ZNF567: variants seen among roughly 807,000 people sequenced by gnomAD.
ZNF567 encodes zinc finger protein 567.
A neutral mutation model predicts 53.9 loss-of-function variants in ZNF567; 36 were observed. The ratio of observed to expected loss-of-function variants is 0.67; its 90% CI spans 0.51 to 0.88. ZNF567 has a LOEUF of 0.88. Ranked by LOEUF, ZNF567 falls within the 40% of genes least tolerant of loss-of-function variation. The pLI, the probability that ZNF567 is intolerant of heterozygous loss-of-function variation, is 0.00. For missense variants in ZNF567, 619 were observed against 764.7 expected (o/e 0.81, Z 2.25); for synonymous variants, 224 against 260.4 (o/e 0.86, Z 1.35).
intron 3 of ZNF567, among the ~76,000 whole-genome samples, chr19:36,702,077 A>G (rs1324741784): frequency 2.6e-5 from 4 of 151,256 alleles, no homozygotes; most frequent in African/African-American, 7.3e-5. Flanking sequence ...GTTCCTTTCC[A>G]CGTTTAGTGC....
At chr19:36,682,604 A>AT in the ZNF567 span, among the ~76,000 whole-genome samples, 2 of 144,810 alleles carry the variant, frequency 1.4e-5, no homozygotes, top group Admixed American at 1.4e-4. Context: ...TATTATTATT[A>AT]TTATTATTAT....
rs775855797 is a variant in ZNF567, at chr19:36,719,855, G to T, written c.1131G>T (p.Lys377Asn). Residue 377 changes from lysine to asparagine, a missense_variant, in exon 6 of 6, where the codon AAG becomes AAT. Transcript: ENST00000682579. ...CNDCGKSFRQ[K>N]TTLSLHQRIH... ...ACTGTGGGAAGTCCTTCCGCCAGAAGACAACACTCTCTCTACATCAGAGAA... is the reference window on the plus strand; with the variant it reads ...ACTGTGGGAAGTCCTTCCGCCAGAATACAACACTCTCTCTACATCAGAGAA... 1 of 1,614,042 alleles carries T rather than the reference G, an allele frequency of 6.2e-7. No individual in the cohort carries two copies. Among genetic ancestry groups the T allele is most frequent in the Non-Finnish European group, 8.5e-7 (1 of 1,179,972 alleles).
chr19:36,695,391 T>G (rs1272504509), intron 3 of ZNF567, among the ~76,000 whole-genome samples: 6 of 151,984 alleles, frequency 3.9e-5, no homozygotes, highest in African/African-American at 1.4e-4. Flanking sequence ...TAGCTGGGCT[T>G]GGTGGCAGGC....
intron 3 of ZNF567, chr19:36,703,545 G>C (rs1360350046): frequency 6.6e-6 from 1 of 152,390 alleles, no homozygotes; most frequent in Non-Finnish European, 1.5e-5. Flanking sequence ...GGAGCCTACA[G>C]AGGCAGGCAG....
In ZNF567 at chr19:36,720,244, G is replaced by A; in HGVS notation, c.1520G>A (p.Cys507Tyr). The change falls in exon 6 of 6, where the codon TGT becomes TAT. Residue 507 changes from cysteine to tyrosine, a missense_variant. By Grantham distance (194) the Cys-to-Tyr change is radical. Transcript: ENST00000682579. ...CACACAGGAGAGAAACCATATGAAT[G>A]TAATGAATGTGGTAAATCATTCAGT... ...RTHTGEKPYE[C>Y]NECGKSFSQK... The A allele has an allele frequency of 1.2e-6, 2 of 1,614,084 alleles. No individual in the cohort carries two copies. Among genetic ancestry groups the A allele is most frequent in the Non-Finnish European group, 1.7e-6 (2 of 1,179,982 alleles).
chr19:36,723,627 G>A (rs1308764054), downstream of ZNF567, among the ~76,000 whole-genome samples: 1 of 152,124 alleles, frequency 6.6e-6, no homozygotes, highest in Non-Finnish European at 1.5e-5. Context: ...CCTAAGGCCA[G>A]GAGTTTGAGA....
the ZNF567 span, among the ~76,000 whole-genome samples, chr19:36,677,155 C>CAAAA: frequency 3.5e-5 from 1 of 28,236 alleles, no homozygotes. Context: ...AACTCCGTCT[C>CAAAA]AAAAAAAAAA....
the ZNF567 span, among the ~76,000 whole-genome samples, chr19:36,672,803 G>A: frequency 1.3e-5 from 2 of 152,136 alleles, no homozygotes; most frequent in Non-Finnish European, 2.9e-5. Context: ...GACCCTTAAC[G>A]AATGAAGGTT....
rs1342241688 is a variant in ZNF567 at position 36,719,034 on chromosome 19, A to C, written c.310A>C (p.Lys104Gln). 4 of 1,611,528 alleles carry C rather than the reference A, an allele frequency of 2.5e-6. No individual in the cohort carries two copies. The Admixed American group carries it at 6.7e-5, about 27-fold the overall frequency. ...TAGATCAGTTGTAAGCATCAACCAC[A>C]AAAAACTGGTGAAGGAGAAGAGTAA... is the stretch of plus-strand genomic sequence containing the variant. ...YSRSVVSINH[K>Q]KLVKEKSKIY... Residue 104 changes from lysine to glutamine, a missense_variant, in exon 6 of 6, where the codon AAA becomes CAA. Physicochemically the swap from Lys to Gln is moderately conservative, Grantham distance 53 (BLOSUM62 1). Transcript: ENST00000682579.
At chr19:36,679,414 T>C in the ZNF567 span, among the ~76,000 whole-genome samples, 5 of 152,162 alleles carry the variant, frequency 3.3e-5, no homozygotes, top group African/African-American at 1.2e-4. Context: ...TGTAAATTAC[T>C]ACAGCCATTT....
At chr19:36,709,677 T>C (rs2039678655) in intron 3 of ZNF567, among the ~76,000 whole-genome samples, 2 of 151,956 alleles carry the variant, frequency 1.3e-5, no homozygotes, top group Admixed American at 1.3e-4. Flanking sequence ...TTGCCCAGGC[T>C]GATCTCAAAC....
chr19:36,688,707 T>C (rs938163941), intron 1 of ZNF567, among the ~76,000 whole-genome samples: 7 of 150,060 alleles, frequency 4.7e-5, no homozygotes, highest in Non-Finnish European at 8.9e-5. Flanking sequence ...CTTGGGAGGC[T>C]GAGTCAGGAG....
intron 5 of ZNF567, among the ~76,000 whole-genome samples, chr19:36,715,361 A>T (rs906030111): frequency 6.6e-6 from 1 of 150,574 alleles, no homozygotes; most frequent in African/African-American, 2.4e-5. Context: ...GGGTTTCACC[A>T]TGTTGGCCAG....
downstream of ZNF567, chr19:36,723,207 C>G (rs1250063742): frequency 2.8e-6 from 2 of 702,782 alleles, no homozygotes; most frequent in East Asian, 2.7e-5. Context: ...GATGGCCTAA[C>G]TGGATGTTTA....
At chr19:36,683,793 C>T (rs2038221968), upstream of ZNF567, among the ~76,000 whole-genome samples, 1 of 152,122 alleles carries the variant, frequency 6.6e-6, no homozygotes, top group African/African-American at 2.4e-5. Context: ...GATCATGCCA[C>T]TGCACTCTAG....
At chr19:36,713,822 C>T (rs1032242806) in intron 5 of ZNF567, among the ~76,000 whole-genome samples, 7 of 152,128 alleles carry the variant, frequency 4.6e-5, no homozygotes, top group African/African-American at 1.2e-4. Context: ...GTAATCCCAG[C>T]GACTCAGGAG....
chr19:36,704,068 G>A (rs1162445611), intron 3 of ZNF567, among the ~76,000 whole-genome samples: 1 of 152,066 alleles, frequency 6.6e-6, no homozygotes, highest in African/African-American at 2.4e-5. Context: ...TATTTGGCCT[G>A]GAATTTCTTT....
intron 1 of ZNF567, among the ~76,000 whole-genome samples, chr19:36,688,328 C>T (rs1403035684): frequency 1.3e-5 from 2 of 152,078 alleles, no homozygotes; most frequent in Non-Finnish European, 1.5e-5. Flanking sequence ...CACTGTGTGA[C>T]TTAGGTGGAG....
chr19:36,683,844 TAATAA>T (rs894955485), upstream of ZNF567, among the ~76,000 whole-genome samples: 2 of 151,724 alleles, frequency 1.3e-5, no homozygotes, highest in African/African-American at 4.8e-5. Context: ...ATAATAATAA[TAATAA>T]AATAAAATAA....
Sources: allele counts gnomAD v4.1 joint callset (sites outside exome capture counted in the v4.1 genomes callset), GRCh38; gene constraint gnomAD v4.1.1; transcripts MANE v1.5; gene names NCBI Gene and HGNC (gene_info 2026-07-23, HGNC 2026-07-21).